Variants in AGBL3 observed in about 807,000 individuals in gnomAD.
The protein encoded by AGBL3 is cytosolic carboxypeptidase 3.
AGBL3 carries 68 observed loss-of-function variants against 94.5 expected under a neutral mutation model. That is an observed-to-expected ratio of 0.72 (90% CI 0.59 to 0.88). The LOEUF (loss-of-function observed/expected upper bound fraction) is 0.88, where lower values mean the gene tolerates loss of function less well. Ranked by LOEUF, AGBL3 falls within the 40% of genes least tolerant of loss-of-function variation. The pLI is 0.00. For missense variants in AGBL3, 934 were observed against 1,103.8 expected (o/e 0.85, Z 2.18); for synonymous variants, 354 against 370.7 (o/e 0.95, Z 0.52).
intron 3 of AGBL3, among the ~76,000 whole-genome samples, chr7:134,992,608 A>G (rs1261535891): frequency 6.6e-6 from 1 of 152,220 alleles, no homozygotes; most frequent in East Asian, 1.9e-4. Context: ...ATGAGTCTAT[A>G]GAACAATCCT....
intron 15 of AGBL3, among the ~76,000 whole-genome samples, chr7:135,105,743 AT>A (rs376819913): frequency 1.9e-4 from 29 of 152,162 alleles, no homozygotes; most frequent in African/African-American, 7.0e-4. Context: ...TTTCCATATG[AT>A]TTTTACAATA....
chr7:135,047,260 A>G (rs530193045), intron 11 of AGBL3, among the ~76,000 whole-genome samples: 2 of 152,038 alleles, frequency 1.3e-5, no homozygotes, highest in South Asian at 4.1e-4. Context: ...CTGAATAGGT[A>G]CGTCTTATTT....
chr7:135,085,571 T>C (rs1378773257), intron 15 of AGBL3, among the ~76,000 whole-genome samples: 1 of 152,086 alleles, frequency 6.6e-6, no homozygotes, highest in Non-Finnish European at 1.5e-5. Context: ...TGTATTGATA[T>C]CTAGCTCTCC....
chr7:135,090,961 G>C (rs1351199627), intron 15 of AGBL3, among the ~76,000 whole-genome samples: 5 of 152,092 alleles, frequency 3.3e-5, no homozygotes, highest in South Asian at 2.1e-4. Flanking sequence ...TCCTTCTCTG[G>C]GGGGAGCACA....
chr7:135,030,900 A>G (rs915992541), intron 5 of AGBL3, among the ~76,000 whole-genome samples: 3 of 152,184 alleles, frequency 2.0e-5, no homozygotes, highest in South Asian at 2.1e-4. Flanking sequence ...GGCATACAAA[A>G]TGATGTTATG....
intron 16 of AGBL3, among the ~76,000 whole-genome samples, chr7:135,121,332 T>C (rs563129990): frequency 2.6e-5 from 4 of 152,256 alleles, no homozygotes; most frequent in African/African-American, 9.6e-5. Flanking sequence ...TATAAAATAA[T>C]TCAACAAGAA....
intron 11 of AGBL3, among the ~76,000 whole-genome samples, chr7:135,049,377 T>C (rs1196432834): frequency 3.3e-5 from 5 of 152,012 alleles, no homozygotes; most frequent in African/African-American, 1.2e-4. Context: ...TATTAGCCTG[T>C]GGCTTCCTTT....
chr7:135,030,971 T>C (rs1815675368), intron 5 of AGBL3, among the ~76,000 whole-genome samples: 1 of 152,170 alleles, frequency 6.6e-6, no homozygotes, highest in Admixed American at 6.5e-5. Context: ...CTTTCAGTTA[T>C]TGTAGTTTTA....
intron 5 of AGBL3, among the ~76,000 whole-genome samples, chr7:135,018,167 C>G (rs1337585295): frequency 6.6e-6 from 1 of 152,174 alleles, no homozygotes; most frequent in Non-Finnish European, 1.5e-5. Flanking sequence ...AGAACCATGT[C>G]TGCTGGGCCT....
intron 12 of AGBL3, among the ~76,000 whole-genome samples, chr7:135,072,134 T>C (rs149993380): frequency 0.49 from 73,746 of 152,016 alleles, 18,252 homozygotes; most frequent in South Asian, 0.66. Context: ...AAAGAAGACA[T>C]TTATGTAGCC....
intron 4 of AGBL3, among the ~76,000 whole-genome samples, chr7:134,998,221 C>T (rs1414835245): frequency 6.6e-6 from 1 of 152,208 alleles, no homozygotes; most frequent in Non-Finnish European, 1.5e-5. Context: ...TCCAGTTCAT[C>T]ATTATATCTT....
Position 135,044,007 on chromosome 7 carries a change from T to G in AGBL3, c.1501-18T>G. 6.5e-7 allele frequency: 1 copy of G among 1,544,950 alleles called. No individual in the cohort carries two copies. The highest frequency in any genetic ancestry group is 8.8e-7 in the Non-Finnish European group (1 of 1,142,762). ...GGTACCAGAACAACGAGTCTCATTTTTATTTGCTGCTTTTCAGTTTTCATT... is the reference window on the plus strand; with the variant it reads ...GGTACCAGAACAACGAGTCTCATTTGTATTTGCTGCTTTTCAGTTTTCATT... On this transcript the variant is annotated intron_variant, in intron 8 of 16. Coordinates refer to ENST00000436302, the MANE Select transcript of AGBL3 (RefSeq NM_178563.4).
At position 135,030,158 on chromosome 7, in the gene AGBL3, TAAA is replaced by T. The variant is rs74392929; in HGVS notation, c.419-2670_419-2668del. 3.3e-3 allele frequency among the ~76,000 whole-genome samples: 384 copies of T among 117,416 alleles called. 1 individual carries two copies. Among genetic ancestry groups the T allele is most frequent in the African/African-American group, 0.011 (357 of 32,618 alleles). The allele number at this position is 117,416 out of a possible 152,430, so 77.0% of individuals were successfully genotyped here. On this transcript the variant is annotated intron_variant, in intron 5 of 16. Coordinates refer to ENST00000436302, the MANE Select transcript of AGBL3 (RefSeq NM_178563.4). ...TGCTCAACACAAACCTTTAATTTGT[TAAA>T]AAAAAAAAAAAAAAAGAAAGAAAAA...
intron 12 of AGBL3, among the ~76,000 whole-genome samples, chr7:135,067,426 C>T (rs866549032): frequency 2.0e-4 from 31 of 152,332 alleles, no homozygotes; most frequent in Admixed American, 3.9e-4. Context: ...GATCTGAGAA[C>T]GAGCAGACTG....
At chr7:135,121,867 G>T (rs1384621798) in intron 16 of AGBL3, among the ~76,000 whole-genome samples, 1 of 152,168 alleles carries the variant, frequency 6.6e-6, no homozygotes, top group Middle Eastern at 3.2e-3. Context: ...TACCCAGCCG[G>T]GGAAACCGTG....
intron 15 of AGBL3, among the ~76,000 whole-genome samples, chr7:135,098,199 A>C (rs1002734407): frequency 4.6e-5 from 7 of 152,204 alleles, no homozygotes; most frequent in Non-Finnish European, 1.0e-4. Context: ...TAATAAGTAA[A>C]GTCTAAATAC....
At chr7:135,109,342 T>A (rs1825260846) in intron 15 of AGBL3, among the ~76,000 whole-genome samples, 1 of 152,192 alleles carries the variant, frequency 6.6e-6, no homozygotes, top group African/African-American at 2.4e-5. Context: ...AACCCACCTC[T>A]CCCACTGAGA....
chr7:135,035,479 G>A (rs1816211123), intron 7 of AGBL3, among the ~76,000 whole-genome samples: 1 of 151,982 alleles, frequency 6.6e-6, no homozygotes, highest in Non-Finnish European at 1.5e-5. Context: ...GTGTGGAAAG[G>A]TGAGCAGCTG....
At chr7:134,998,540 C>G (rs1193509161) in intron 4 of AGBL3, among the ~76,000 whole-genome samples, 1 of 152,194 alleles carries the variant, frequency 6.6e-6, no homozygotes, top group East Asian at 1.9e-4. Context: ...GGCTTAGCCA[C>G]TGTCCTGGTC....
Sources: gnomAD v4.1 joint callset for allele counts (sites outside exome capture counted in the v4.1 genomes callset) on GRCh38, gnomAD v4.1.1 for gene constraint, MANE v1.5 for transcripts, NCBI Gene and HGNC (gene_info 2026-07-23, HGNC 2026-07-21) for gene names.